C12orf57: variants seen among roughly 807,000 people sequenced by gnomAD.
C12orf57 encodes the protein protein C10.
A neutral mutation model predicts 11.3 loss-of-function variants in C12orf57; 14 were observed. The observed-to-expected ratio is 1.24, with a 90% CI of 0.82 to 1.94. C12orf57 has a LOEUF of 1.94. Ranked by LOEUF, C12orf57 falls within the 30% of genes most tolerant of loss-of-function variation. The pLI is 0.00. For synonymous variants in C12orf57, 100 were observed against 74.6 expected (o/e 1.34, Z -1.76); for missense variants, 229 against 172.4 (o/e 1.33, Z -1.84).
chr12:6,944,147 C>G lies in C12orf57; in HGVS notation c.26C>G (p.Ala9Gly). Residue 9 changes from alanine (A) to glycine (G), a missense_variant, in exon 1 of 3, where the codon GCG becomes GGG. Physicochemically the swap from Ala to Gly is moderately conservative, Grantham distance 60. Coordinates refer to ENST00000229281, the MANE Select transcript of C12orf57 (RefSeq NM_138425.4). ...ATGGCGTCCGCCTCGACCCAACCGGCGGCCTTGAGCGCTGAGCAAGCAAAG... is the reference window on the plus strand; with the variant it reads ...ATGGCGTCCGCCTCGACCCAACCGGGGGCCTTGAGCGCTGAGCAAGCAAAG... Reference protein sequence around the residue: MASASTQPAALSAEQAKVV... With the variant: MASASTQPGALSAEQAKVV... 6.2e-7 allele frequency: 1 copy of G among 1,614,234 alleles called. No individual in the cohort carries two copies. Among genetic ancestry groups the G allele is most frequent in the Non-Finnish European group, 8.5e-7 (1 of 1,180,034 alleles).
At chr12:6,945,640 C>A in intron 2 of C12orf57, 131 bp from the exon 3 acceptor site, 1 of 900,114 alleles carries the variant, frequency 1.1e-6, no homozygotes, top group Non-Finnish European at 1.8e-6. Flanking sequence ...CAGAGGCCTG[C>A]ATGCGTCCTG....
upstream of C12orf57, chr12:6,943,855 C>G (rs781848591): frequency 1.9e-5 from 18 of 933,036 alleles, no homozygotes; most frequent in East Asian, 3.1e-5. Context: ...AGTAGGCTTT[C>G]TGGCTTTTTA....
chr12:6,943,817 A>G (rs782162928), upstream of C12orf57: 43 of 839,078 alleles, frequency 5.1e-5, no homozygotes, highest in South Asian at 2.2e-4. Flanking sequence ...CATACGCAGC[A>G]GTGTTACAGC....
In C12orf57 at chr12:6,944,559, G is replaced by A. The variant is rs1945745406; in HGVS notation, c.136G>A (p.Asp46Asn). ...CGAGGCTCGGGATAACGCCTGCAAC[G>A]ACATGGGTAAGATGCTGCAATTCGT... is the stretch of plus-strand genomic sequence containing the variant. ...MDEARDNACN[D>N]MGKMLQFVLP... is the part of the protein sequence containing the mutation. The change falls in exon 2 of 3, where the codon GAC becomes AAC. Residue 46 changes from aspartate to asparagine, a missense_variant. Transcript: ENST00000229281. 1 of 1,613,676 alleles carries A rather than the reference G, an allele frequency of 6.2e-7. No individual in the cohort carries two copies. Among genetic ancestry groups the A allele is most frequent in the Non-Finnish European group, 8.5e-7 (1 of 1,179,572 alleles).
At chr12:6,944,900 G>T (rs1555146229) in intron 2 of C12orf57, 7 of 1,385,612 alleles carry the variant, frequency 5.1e-6, no homozygotes, top group Non-Finnish European at 5.6e-6. Flanking sequence ...AGTGTTTCGG[G>T]TTTTTTCAGA....
rs1945745870 is a variant in C12orf57 at position 6,944,574 on chromosome 12, C to G, written c.151C>G (p.Leu51Val). The G allele has an allele frequency of 8.1e-6, 13 of 1,614,182 alleles. No individual in the cohort carries two copies. Among genetic ancestry groups the G allele is most frequent in the Non-Finnish European group, 6.8e-6 (8 of 1,180,036 alleles). Residue 51 changes from leucine to valine, a missense_variant, in exon 2 of 3, where the codon CTG (leucine) becomes GTG (valine). Leu to Val is a conservative substitution (Grantham distance 32). Transcript: ENST00000229281. ...CGCCTGCAACGACATGGGTAAGATG[C>G]TGCAATTCGTGCTGCCCGTGGCCAC... ...DNACNDMGKM[L>V]QFVLPVATQI... is the part of the protein sequence containing the mutation.
intron 2 of C12orf57, among the ~76,000 whole-genome samples, chr12:6,945,257 C>T (rs1945772681): frequency 6.6e-6 from 1 of 152,182 alleles, no homozygotes; most frequent in African/African-American, 2.4e-5. Context: ...GGTGCAGACT[C>T]TCGAGTAGCA....
chr12:6,944,930 A>T (rs1555146232), intron 2 of C12orf57: 1 of 1,273,438 alleles, frequency 7.9e-7, no homozygotes, highest in Non-Finnish European at 1.0e-6. Context: ...ATTTACATAT[A>T]CATGGATATC....
chr12:6,944,144 C>T lies in C12orf57; in HGVS notation c.23C>T (p.Pro8Leu), dbSNP rs372253812. The T allele has an allele frequency of 1.7e-5, 28 of 1,614,116 alleles. 1 individual carries two copies. In the African/African-American group the frequency reaches 2.4e-4, roughly 14 times the overall value. Reference sequence around the variant, plus strand: ...CCTATGGCGTCCGCCTCGACCCAACCGGCGGCCTTGAGCGCTGAGCAAGCA... The same window carrying T: ...CCTATGGCGTCCGCCTCGACCCAACTGGCGGCCTTGAGCGCTGAGCAAGCA... MASASTQ[P>L]AALSAEQAKV... Residue 8 changes from proline to leucine, a missense_variant, in exon 1 of 3, where the codon CCG (proline) becomes CTG (leucine). Coordinates refer to ENST00000229281, the MANE Select transcript of C12orf57 (RefSeq NM_138425.4).
intron 1 of C12orf57, 67 bp from the exon 2 acceptor site, chr12:6,944,409 G>C (rs1945738182): frequency 1.3e-6 from 2 of 1,572,778 alleles, no homozygotes; most frequent in South Asian, 2.3e-5. Context: ...TGCGCTCTCC[G>C]CTGGGCCCGC....
At chr12:6,944,284 C>G in intron 1 of C12orf57, 111 bp downstream of exon 1, 1 of 1,598,926 alleles carries the variant, frequency 6.3e-7, no homozygotes, top group East Asian at 2.2e-5. Context: ...AACCTGGCTA[C>G]GTCCGCCGGG....
At position 6,944,423 on chromosome 12, in the gene C12orf57, C is replaced by T. The variant is rs147239540; in HGVS notation, c.53-53C>T. On this transcript the variant is annotated intron_variant, in intron 1 of 2. Coordinates refer to ENST00000229281, the MANE Select transcript of C12orf57 (RefSeq NM_138425.4). ...TTGCGCTCTCCGCTGGGCCCGCTGT[C>T]TGTTCTCCGACGCCTACCCGGGACG... 409 of 1,587,578 alleles carry T rather than the reference C, an allele frequency of 2.6e-4. 2 individuals carry two copies. In the East Asian group the frequency reaches 8.7e-3, roughly 34 times the overall value.
At chr12:6,943,973 G>A (rs1006252093), upstream of C12orf57, 68 of 1,564,330 alleles carry the variant, frequency 4.3e-5, no homozygotes, top group Middle Eastern at 1.9e-4. Context: ...CTTGGGGTAT[G>A]AAGGTTTGGG....
In C12orf57 at chr12:6,945,907, C is replaced by T. The variant is rs1555146544; in HGVS notation, c.366C>T (p.Ser122=). 6.2e-7 allele frequency: 1 copy of T among 1,611,998 alleles called. No homozygotes were observed. The highest frequency in any genetic ancestry group is 8.5e-7 in the Non-Finnish European group (1 of 1,179,700). Residue 122 remains serine, a synonymous_variant, in exon 3 of 3, where the codon AGC becomes AGT. Transcript: ENST00000229281. ...CCCATGGGCCTGCTGCTGGTGGCAGCGTGGCCGCCTCCTGAGAGTTGGCCC... is the reference window on the plus strand; with the variant it reads ...CCCATGGGCCTGCTGCTGGTGGCAGTGTGGCCGCCTCCTGAGAGTTGGCCC... ...LPPHGPAAGG[S]VAAS
Position 6,945,964 on chromosome 12 carries a change from C to T in C12orf57, c.*42C>T, listed in dbSNP as rs1555146588. 2.5e-6 allele frequency: 4 copies of T among 1,586,248 alleles called. No individual in the cohort carries two copies. The highest frequency in any genetic ancestry group is 1.3e-5 in the African/African-American group (1 of 74,410). ...GTGCCACTGCCAGGGGAGGAAAGGC[C>T]TTGATGTTCCAGACAATAATAAATG... is the stretch of plus-strand genomic sequence containing the variant. On this transcript the variant is annotated 3_prime_UTR_variant, in exon 3 of 3. Coordinates refer to ENST00000229281, the MANE Select transcript of C12orf57 (RefSeq NM_138425.4).
intron 1 of C12orf57, 46 bp from the exon 2 acceptor site, chr12:6,944,430 C>A (rs782368069): frequency 1.3e-6 from 2 of 1,592,142 alleles, no homozygotes; most frequent in Non-Finnish European, 1.7e-6. Context: ...TGTCTGTTCT[C>A]CGACGCCTAC....
At chr12:6,944,410 C>G in intron 1 of C12orf57, 66 bp from the exon 2 acceptor site, 2 of 1,574,202 alleles carry the variant, frequency 1.3e-6, no homozygotes, top group African/African-American at 2.7e-5. Context: ...GCGCTCTCCG[C>G]TGGGCCCGCT....
At chr12:6,943,871 A>C (rs948467413), upstream of C12orf57, 12 of 955,382 alleles carry the variant, frequency 1.3e-5, no homozygotes, top group East Asian at 3.0e-5. Context: ...TTTTACCGGA[A>C]AGCCCCTCTT....
rs781787729 is a variant in C12orf57 at position 6,944,112 on chromosome 12, C to G, written c.-10C>G. On this transcript the variant is annotated 5_prime_UTR_variant, in exon 1 of 3. Coordinates refer to ENST00000229281, the MANE Select transcript of C12orf57 (RefSeq NM_138425.4). ...TTTACCTCCGCTGAACCTAGAGCTT[C>G]AGACGCCCTATGGCGTCCGCCTCGA... 1.2e-6 allele frequency: 2 copies of G among 1,614,124 alleles called. No individual in the cohort carries two copies. The highest frequency in any genetic ancestry group is 4.5e-5 in the East Asian group (2 of 44,904).
Sources: gnomAD v4.1 joint callset for allele counts (sites outside exome capture counted in the v4.1 genomes callset) on GRCh38, gnomAD v4.1.1 for gene constraint, MANE v1.5 for transcripts, NCBI Gene and HGNC (gene_info 2026-07-23, HGNC 2026-07-21) for gene names.